ZNF334: variants seen among roughly 807,000 people sequenced by gnomAD.
ZNF334 encodes zinc finger protein 334.
In ZNF334, 14 loss-of-function variants were observed where a neutral mutation model predicts 12.4. That is an observed-to-expected ratio of 1.13 (90% CI 0.74 to 1.76). The LOEUF (loss-of-function observed/expected upper bound fraction) is 1.76, where lower values mean the gene tolerates loss of function less well. Ranked by LOEUF, ZNF334 falls within the 40% of genes most tolerant of loss-of-function variation. The pLI is 0.00. For synonymous variants in ZNF334, 273 were observed against 269.6 expected, an observed-to-expected ratio of 1.01 and a Z score of -0.12; for missense variants, 797 against 804.5, an observed-to-expected ratio of 0.99 and a Z score of 0.11.
chr20:46,511,633 T>A (rs766848296), intron 2 of ZNF334, among the ~76,000 whole-genome samples: 12 of 152,224 alleles, frequency 7.9e-5, no homozygotes, highest in Non-Finnish European at 1.5e-4. Context: ...TTATTCTAGG[T>A]CTTATCACTG....
chr20:46,499,030 C>T (rs559292255), downstream of ZNF334, among the ~76,000 whole-genome samples: 220 of 151,496 alleles, frequency 1.5e-3, no homozygotes, highest in South Asian at 2.7e-3. Flanking sequence ...AAAAATTAGC[C>T]GGGCGTAGTG....
intron 3 of ZNF334, 74 bp from the exon 4 acceptor site, chr20:46,504,380 A>C (rs1202714429): frequency 2.2e-6 from 3 of 1,370,472 alleles, no homozygotes; most frequent in Non-Finnish European, 3.1e-6. Context: ...AAGAAAGTAC[A>C]GCTTCAGAAG....
Position 46,501,556 on chromosome 20 carries a change from T to C in ZNF334, c.1783A>G (p.Thr595Ala). Residue 595 changes from threonine to alanine, a missense_variant, in exon 5 of 5, where the codon ACT becomes GCT. By Grantham distance (58) the Thr-to-Ala change is moderately conservative (BLOSUM62 0). Coordinates refer to ENST00000692313, the MANE Select transcript of ZNF334 (RefSeq NM_001353824.2). ...FSFVEHQRTH[T>A]GEKPYECNEC... ...TTACATTCATATGGTTTCTCCCCAGTGTGAGTTCGCTGATGTTCAACAAAG... is the reference window on the plus strand; with the variant it reads ...TTACATTCATATGGTTTCTCCCCAGCGTGAGTTCGCTGATGTTCAACAAAG... 6.2e-7 allele frequency: 1 copy of C among 1,614,118 alleles called. No individual in the cohort carries two copies. The highest frequency in any genetic ancestry group is 1.1e-5 in the South Asian group (1 of 91,082).
Position 46,503,497 on chromosome 20 carries a change from G to A in ZNF334, c.242-400C>T, listed in dbSNP as rs528071966. Among the ~76,000 whole-genome samples the A allele has an allele frequency of 2.0e-5, 3 of 152,338 alleles. No homozygotes were observed. The East Asian group carries it at 5.8e-4, about 29-fold the overall frequency. Reference sequence around the variant, plus strand: ...GACAAGAGTCAAGTAAGCACTTAGAGAAAGATAGTCATACAGTGAGACCAG... The same window carrying A: ...GACAAGAGTCAAGTAAGCACTTAGAAAAAGATAGTCATACAGTGAGACCAG... On this transcript the variant is annotated intron_variant, in intron 4 of 4. Coordinates refer to ENST00000692313, the MANE Select transcript of ZNF334 (RefSeq NM_001353824.2).
chr20:46,509,636 A>G (rs1419755167), intron 2 of ZNF334: 1 of 703,004 alleles, frequency 1.4e-6, no homozygotes. Flanking sequence ...CCTTCATTCA[A>G]GGTTCACCCA....
the ZNF334 span, chr20:46,464,218 C>A: frequency 1.9e-6 from 1 of 533,874 alleles, no homozygotes; most frequent in South Asian, 1.5e-5. Context: ...AAAATCCCTG[C>A]ACGCCTGGCT....
downstream of ZNF334, among the ~76,000 whole-genome samples, chr20:46,495,008 A>C (rs2060997977): frequency 6.6e-6 from 1 of 152,172 alleles, no homozygotes; most frequent in Non-Finnish European, 1.5e-5. Context: ...TCTCATTGGA[A>C]AGTTTCAGCA....
At chr20:46,467,967 G>C in the ZNF334 span, among the ~76,000 whole-genome samples, 3 of 152,200 alleles carry the variant, frequency 2.0e-5, no homozygotes, top group African/African-American at 7.2e-5. Flanking sequence ...AAGTGTTACT[G>C]ACATAACCAA....
At chr20:46,504,497 G>T in intron 3 of ZNF334, 117 bp downstream of exon 3, 3 of 1,353,100 alleles carry the variant, frequency 2.2e-6, no homozygotes, top group Non-Finnish European at 3.0e-6. Flanking sequence ...GTCTAAAAGG[G>T]TTTAATCTTC....
chr20:46,463,489 G>A, the ZNF334 span, among the ~76,000 whole-genome samples: 1 of 152,194 alleles, frequency 6.6e-6, no homozygotes, highest in South Asian at 2.1e-4. Context: ...CTCTTTAGAA[G>A]CGCATATCCC....
chr20:46,474,461 T>C, the ZNF334 span: 1 of 152,108 alleles, frequency 6.6e-6, no homozygotes, highest in East Asian at 1.9e-4. Context: ...TTGAATATAT[T>C]GTAACATCAG....
At chr20:46,467,353 GA>G in the ZNF334 span, among the ~76,000 whole-genome samples, 1 of 152,050 alleles carries the variant, frequency 6.6e-6, no homozygotes, top group East Asian at 1.9e-4. Context: ...CAAATACAGG[GA>G]AAAAAATTGA....
the ZNF334 span, among the ~76,000 whole-genome samples, chr20:46,475,329 A>T: frequency 6.6e-6 from 1 of 152,194 alleles, no homozygotes; most frequent in Non-Finnish European, 1.5e-5. Context: ...TGAATCATGG[A>T]CATAAATGTA....
Position 46,502,069 on chromosome 20 carries a change from G to A in ZNF334, c.1270C>T (p.Arg424Ter), listed in dbSNP as rs143794973. 28 of 1,614,086 alleles carry A rather than the reference G, an allele frequency of 1.7e-5. No individual in the cohort carries two copies. In the South Asian group the frequency reaches 2.3e-4, roughly 13 times the overall value. Residue 424 changes from arginine to a stop codon, truncating the protein, a stop_gained, in exon 5 of 5, where the codon CGA becomes TGA. Transcript: ENST00000692313. LOFTEE classifies it low-confidence loss of function (END_TRUNC). ...GGCTTCTCTCCTGTATGACTTCTTCGATGCACATTGAGGGCAGATTGACAA... is the reference window on the plus strand; with the variant it reads ...GGCTTCTCTCCTGTATGACTTCTTCAATGCACATTGAGGGCAGATTGACAA... The part of the protein sequence containing the change: ...FFCQSALNVH[R>*]RSHTGEKPYE...
downstream of ZNF334, among the ~76,000 whole-genome samples, chr20:46,495,716 A>G (rs751425334): frequency 3.3e-5 from 5 of 152,192 alleles, no homozygotes; most frequent in Non-Finnish European, 7.3e-5. Flanking sequence ...GACTGAGGAA[A>G]TAACCATGGG....
At chr20:46,465,097 G>C in the ZNF334 span, 1 of 261,798 alleles carries the variant, frequency 3.8e-6, no homozygotes, top group South Asian at 4.4e-5. Context: ...CAAATCCCAT[G>C]CACAAAATAC....
At chr20:46,488,188 TC>T in the ZNF334 span, among the ~76,000 whole-genome samples, 1 of 151,898 alleles carries the variant, frequency 6.6e-6, no homozygotes, top group Non-Finnish European at 1.5e-5. Context: ...TATCTGTTCT[TC>T]CCCCTTTTCT....
the ZNF334 span, among the ~76,000 whole-genome samples, chr20:46,471,238 C>T: frequency 1.2e-4 from 18 of 152,222 alleles, no homozygotes; most frequent in African/African-American, 3.9e-4. Flanking sequence ...TTTTCTATAC[C>T]TATTGTCCAT....
chr20:46,503,524 T>C (rs2061325030), intron 4 of ZNF334, among the ~76,000 whole-genome samples: 1 of 152,174 alleles, frequency 6.6e-6, no homozygotes, highest in African/African-American at 2.4e-5. Flanking sequence ...TGAGACCAGG[T>C]ACAACAGATA....
Sources: allele counts gnomAD v4.1 joint callset (sites outside exome capture counted in the v4.1 genomes callset), GRCh38; gene constraint gnomAD v4.1.1; transcripts MANE v1.5; gene names NCBI Gene and HGNC (gene_info 2026-07-23, HGNC 2026-07-21).